PANX3: variants seen among roughly 807,000 people sequenced by gnomAD.
The protein encoded by PANX3 is pannexin-3.
In PANX3, 18 loss-of-function variants were observed where a neutral mutation model predicts 31.5. That is an observed-to-expected ratio of 0.57 (90% CI 0.39 to 0.85). The LOEUF is 0.85. Ranked by LOEUF, PANX3 falls within the 40% of genes least tolerant of loss-of-function variation. The pLI is 0.00. For missense variants in PANX3, 426 were observed against 485.4 expected (o/e 0.88, Z 1.15); for synonymous variants, 194 against 201.6 (o/e 0.96, Z 0.32).
rs1863156560 is a variant in PANX3 at position 124,616,735 on chromosome 11, A to T, written c.325-539A>T. Among the ~76,000 whole-genome samples the T allele has an allele frequency of 6.6e-6, 1 of 152,202 alleles. No individual in the cohort carries two copies. Among genetic ancestry groups the T allele is most frequent in the South Asian group, 2.1e-4 (1 of 4,826 alleles). On this transcript the variant is annotated intron_variant, in intron 2 of 3. Transcript: ENST00000284288. The surrounding 1 kb of genome is among the most constrained non-coding windows in gnomAD (Gnocchi z 4.8). ...ACCAAGAATCCAAAAATCAGAAAAG[A>T]CCACTGTGCATCAGACAAGTCCAGG...
At chr11:124,612,635 CTA>C (rs767869695) in intron 1 of PANX3, among the ~76,000 whole-genome samples, 34 of 152,324 alleles carry the variant, frequency 2.2e-4, no homozygotes, top group Non-Finnish European at 4.0e-4. Flanking sequence ...ATTTTAGAGT[CTA>C]AAGGATGTCA....
rs1220300776 is a variant in PANX3, at chr11:124,619,305, A to G, written c.549A>G (p.Lys183=). The part of the protein sequence containing the change: ...VFWNELEKAR[K]ERYFEFPLLE... ...TCCTTCCACTGCCCAGGGCTCGGAA[A>G]GAACGATACTTTGAATTCCCTTTGC... Residue 183 remains lysine, a synonymous_variant, in exon 4 of 4, where the codon AAA becomes AAG. Coordinates refer to ENST00000284288, the MANE Select transcript of PANX3 (RefSeq NM_052959.3). 2 of 1,612,324 alleles carry G rather than the reference A, an allele frequency of 1.2e-6. No individual in the cohort carries two copies. The highest frequency in any genetic ancestry group is 2.7e-5 in the African/African-American group (2 of 75,036).
At chr11:124,614,743 C>T (rs1254414020) in intron 2 of PANX3, among the ~76,000 whole-genome samples, 1 of 131,244 alleles carries the variant, frequency 7.6e-6, no homozygotes, top group Non-Finnish European at 1.5e-5. Flanking sequence ...ATGGCACGAT[C>T]TTGGCTCACT....
chr11:124,614,670 CTTTT>C (rs138365917), intron 2 of PANX3, among the ~76,000 whole-genome samples: 3 of 95,326 alleles, frequency 3.1e-5, no homozygotes, highest in Non-Finnish European at 6.0e-5. Flanking sequence ...AACGCCCTTT[CTTTT>C]TTTTTTTTTT....
chr11:124,612,279 T>A (rs770539915), intron 1 of PANX3, among the ~76,000 whole-genome samples: 1 of 152,204 alleles, frequency 6.6e-6, no homozygotes, highest in African/African-American at 2.4e-5. Flanking sequence ...CACACAGACA[T>A]TAGCATACAC....
At position 124,619,821 on chromosome 11, in the gene PANX3, A is replaced by G; in HGVS notation, c.1065A>G (p.Thr355=). Residue 355 remains threonine, a synonymous_variant, in exon 4 of 4, where the codon ACA becomes ACG. Transcript: ENST00000284288. The stretch of plus-strand genomic sequence containing the variant: ...GTGTCTTATGTGTGTTGAAGGATAC[A>G]ACCACCCAGAAGCACAATATTGACA... The part of the protein sequence containing the change: ...WLSVLCVLKD[T]TTQKHNIDTV... 6.2e-7 allele frequency: 1 copy of G among 1,614,162 alleles called. No individual in the cohort carries two copies. Among genetic ancestry groups the G allele is most frequent in the East Asian group, 2.2e-5 (1 of 44,880 alleles).
chr11:124,619,332 A>G lies in PANX3; in HGVS notation c.576A>G (p.Leu192=). 1.2e-6 allele frequency: 2 copies of G among 1,613,960 alleles called. No homozygotes were observed. Among genetic ancestry groups the G allele is most frequent in the Non-Finnish European group, 1.7e-6 (2 of 1,179,964 alleles). The part of the protein sequence containing the change: ...RKERYFEFPL[L]ERYLACKQRS... The stretch of plus-strand genomic sequence containing the variant: ...AACGATACTTTGAATTCCCTTTGCT[A>G]GAGCGGTACCTGGCATGTAAGCAGC... Residue 192 remains leucine (L), a synonymous_variant, in exon 4 of 4, where the codon CTA becomes CTG. Transcript: ENST00000284288.
At chr11:124,611,885 G>GC in intron 1 of PANX3, 148 bp downstream of exon 1, 1 of 651,326 alleles carries the variant, frequency 1.5e-6, no homozygotes, top group Non-Finnish European at 2.1e-6. Context: ...TGGTGCATGA[G>GC]TTCAGGGCAC....
chr11:124,619,264 A>ACC, intron 3 of PANX3, 32 bp from the exon 4 acceptor site: 1 of 1,592,762 alleles, frequency 6.3e-7, no homozygotes, highest in Non-Finnish European at 8.5e-7. Flanking sequence ...AATGGTCACT[A>ACC]CTAACCTTGC....
chr11:124,614,670 CTTTTT>C (rs138365917), intron 2 of PANX3, among the ~76,000 whole-genome samples: 1 of 95,326 alleles, frequency 1.0e-5, no homozygotes, highest in African/African-American at 4.5e-5. Flanking sequence ...AACGCCCTTT[CTTTTT>C]TTTTTTTTTT....
Position 124,619,389 on chromosome 11 carries a change from G to C in PANX3, c.633G>C (p.Leu211=), listed in dbSNP as rs202011968. ...ATTCGCTAGTGGCTACCTACCTCCT[G>C]AGGAACTCCCTCTTGCTCATCTTCA... ...RSHSLVATYL[L]RNSLLLIFTS... The change falls in exon 4 of 4, where the codon CTG becomes CTC. Residue 211 remains leucine, a synonymous_variant. Transcript: ENST00000284288. 1 of 1,614,004 alleles carries C rather than the reference G, an allele frequency of 6.2e-7. No individual in the cohort carries two copies. Among genetic ancestry groups the C allele is most frequent in the East Asian group, 2.2e-5 (1 of 44,888 alleles).
intron 2 of PANX3, 32 bp from the exon 3 acceptor site, chr11:124,617,242 G>C: frequency 6.4e-7 from 1 of 1,560,868 alleles, no homozygotes; most frequent in Non-Finnish European, 8.7e-7. Flanking sequence ...CAGCAGCCCC[G>C]GCCTCCCTCC....
intron 2 of PANX3, among the ~76,000 whole-genome samples, chr11:124,614,452 G>A (rs1439548866): frequency 6.6e-6 from 1 of 151,766 alleles, no homozygotes; most frequent in Non-Finnish European, 1.5e-5. Context: ...ATTTTTAGTA[G>A]AGATGGAGTT....
Position 124,613,017 on chromosome 11 carries a change from C to T in PANX3, c.219C>T (p.Ser73=). 6.2e-7 allele frequency: 1 copy of T among 1,614,154 alleles called. No individual in the cohort carries two copies. The highest frequency in any genetic ancestry group is 8.5e-7 in the Non-Finnish European group (1 of 1,180,022). Residue 73 remains serine (S), a synonymous_variant, in exon 2 of 4, where the codon AGC becomes AGT. Coordinates refer to ENST00000284288, the MANE Select transcript of PANX3 (RefSeq NM_052959.3). The part of the protein sequence containing the change: ...PISCFSPSNF[S]IRQAAYVDSS... ...GCTGCTTCTCTCCCAGTAACTTCAGCATCCGGCAGGCAGCCTACGTGGACA... is the reference window on the plus strand; with the variant it reads ...GCTGCTTCTCTCCCAGTAACTTCAGTATCCGGCAGGCAGCCTACGTGGACA...
rs556534042 is a variant in PANX3, at chr11:124,613,978, G to A, written c.324+856G>A. ...TTATTGTCATCCTAGTGGGGTTTTA[G>A]GAGGAGGCAGTGGTAACATGTATGT... On this transcript the variant is annotated intron_variant, in intron 2 of 3. Transcript: ENST00000284288. Among the ~76,000 whole-genome samples, 4 of 152,148 alleles carry A rather than the reference G, an allele frequency of 2.6e-5. No individual in the cohort carries two copies. In the South Asian group the frequency reaches 6.2e-4, roughly 24 times the overall value.
In PANX3 at chr11:124,620,066, T is replaced by C. The variant is rs1471198347; in HGVS notation, c.*131T>C. Reference sequence around the variant, plus strand: ...GCTAAGCTTGGATTTAACTGAATCATATATCTTTTATCATGTTATCCTAAA... The same window carrying C: ...GCTAAGCTTGGATTTAACTGAATCACATATCTTTTATCATGTTATCCTAAA... On this transcript the variant is annotated 3_prime_UTR_variant, in exon 4 of 4. Transcript: ENST00000284288. The C allele has an allele frequency of 3.1e-6, 3 of 959,056 alleles. No homozygotes were observed. The highest frequency in any genetic ancestry group is 1.8e-5 in the South Asian group (1 of 55,618). The allele number at this position is 959,056 out of a possible 1,614,324, so 59.4% of individuals were successfully genotyped here.
At position 124,611,711 on chromosome 11, in the gene PANX3, T is replaced by G; in HGVS notation, c.155T>G (p.Leu52Arg). Residue 52 changes from leucine to arginine, a missense_variant, in exon 1 of 4, where the codon CTG becomes CGG. Leu to Arg is a moderately radical substitution (Grantham distance 102, BLOSUM62 -2). Coordinates refer to ENST00000284288, the MANE Select transcript of PANX3 (RefSeq NM_052959.3). ...AVGSPLLLMSLAFAQEFSSGS... is the reference protein window; with the variant it reads ...AVGSPLLLMSRAFAQEFSSGS... ...GGCTCCCCCTTGTTGCTGATGTCCC[T>G]GGCATTCGCCCAGGAGTTCTCCTCT... 6.2e-7 allele frequency: 1 copy of G among 1,614,106 alleles called. No individual in the cohort carries two copies. Among genetic ancestry groups the G allele is most frequent in the East Asian group, 2.2e-5 (1 of 44,878 alleles).
In PANX3 at chr11:124,620,048, T is replaced by G; in HGVS notation, c.*113T>G. On this transcript the variant is annotated 3_prime_UTR_variant, in exon 4 of 4. Transcript: ENST00000284288. ...ATTACACATTTTAAAACTGCTAAGCTTGGATTTAACTGAATCATATATCTT... is the reference window on the plus strand; with the variant it reads ...ATTACACATTTTAAAACTGCTAAGCGTGGATTTAACTGAATCATATATCTT... 8.6e-7 allele frequency: 1 copy of G among 1,169,110 alleles called. No homozygotes were observed. Among genetic ancestry groups the G allele is most frequent in the South Asian group, 1.6e-5 (1 of 62,714 alleles). The allele number at this position is 1,169,110 out of a possible 1,614,324, so 72.4% of individuals were successfully genotyped here.
intron 1 of PANX3, 120 bp downstream of exon 1, chr11:124,611,857 G>T (rs146039735): frequency 1.8e-6 from 2 of 1,134,848 alleles, no homozygotes; most frequent in Admixed American, 5.9e-5. Context: ...GGCTGGGCTG[G>T]ATTATCCAAA....
Sources: allele counts gnomAD v4.1 joint callset (sites outside exome capture counted in the v4.1 genomes callset), GRCh38; gene constraint gnomAD v4.1.1; non-coding constraint Gnocchi (gnomAD v3.1); transcripts MANE v1.5; gene names NCBI Gene and HGNC (gene_info 2026-07-23, HGNC 2026-07-21).